RSU1: variants seen among roughly 807,000 people sequenced by gnomAD.
RSU1 encodes rsu-1.
A neutral mutation model predicts 31.1 loss-of-function variants in RSU1; 26 were observed. The observed-to-expected ratio is 0.84, with a 90% CI of 0.61 to 1.16. RSU1 has a LOEUF of 1.16. Ranked by LOEUF, RSU1 falls within the 50% of genes most tolerant of loss-of-function variation. RSU1 has a pLI of 0.00. For synonymous variants in RSU1, 164 were observed against 136.3 expected (o/e 1.20, Z -1.41); for missense variants, 320 against 339.1 (o/e 0.94, Z 0.44).
intron 8 of RSU1, among the ~76,000 whole-genome samples, chr10:16,670,493 A>G (rs1301562709): frequency 6.6e-6 from 1 of 152,186 alleles, no homozygotes; most frequent in Non-Finnish European, 1.5e-5. Context: ...GGGCTGCACC[A>G]TAATGAGGGG....
chr10:16,596,493 G>GTAAT (rs1163949723), intron 8 of RSU1, among the ~76,000 whole-genome samples: 1 of 152,150 alleles, frequency 6.6e-6, no homozygotes, highest in Non-Finnish European at 1.5e-5. Flanking sequence ...GCACTGCAGA[G>GTAAT]TAATAAACCC....
intron 8 of RSU1, among the ~76,000 whole-genome samples, chr10:16,640,986 A>G (rs547344272): frequency 6.6e-6 from 1 of 152,338 alleles, no homozygotes; most frequent in East Asian, 1.9e-4. Flanking sequence ...GGCTTGTAGT[A>G]TCATTGTTCC....
chr10:16,639,841 C>T (rs772208916), intron 8 of RSU1, among the ~76,000 whole-genome samples: 1 of 152,202 alleles, frequency 6.6e-6, no homozygotes, highest in Non-Finnish European at 1.5e-5. Context: ...GCAATTCAAG[C>T]GGACATTTGG....
intron 7 of RSU1, among the ~76,000 whole-genome samples, chr10:16,738,395 G>A (rs1836681274): frequency 6.6e-6 from 1 of 152,152 alleles, no homozygotes; most frequent in East Asian, 1.9e-4. Flanking sequence ...AGCATGCAGT[G>A]AGCCGAGATA....
intron 2 of RSU1, among the ~76,000 whole-genome samples, chr10:16,794,080 C>T (rs1412011123): frequency 6.6e-5 from 10 of 152,058 alleles, no homozygotes; most frequent in African/African-American, 2.4e-4. Context: ...TTCCTGGTTC[C>T]TGGGCCTTCA....
intron 7 of RSU1, among the ~76,000 whole-genome samples, chr10:16,747,448 C>G (rs1319496789): frequency 6.6e-6 from 1 of 152,178 alleles, no homozygotes; most frequent in Non-Finnish European, 1.5e-5. Context: ...CTAATCTACT[C>G]TTCCTAAAAT....
At chr10:16,694,962 G>T in intron 8 of RSU1, 61 bp downstream of exon 8, 1 of 1,435,532 alleles carries the variant, frequency 7.0e-7, no homozygotes, top group Non-Finnish European at 9.6e-7. Flanking sequence ...ATTTTTAAAG[G>T]CGTAATTATA....
chr10:16,643,364 T>C (rs1198476644), intron 8 of RSU1, among the ~76,000 whole-genome samples: 1 of 152,224 alleles, frequency 6.6e-6, no homozygotes, highest in African/African-American at 2.4e-5. Flanking sequence ...ACATAAATAA[T>C]GCTCATACAT....
intron 8 of RSU1, among the ~76,000 whole-genome samples, chr10:16,629,979 CTTTGAGA>C (rs1245553284): frequency 2.0e-5 from 3 of 152,110 alleles, no homozygotes; most frequent in Non-Finnish European, 4.4e-5. Flanking sequence ...ACTTAACTCT[CTTTGAGA>C]AAAAAATGAC....
In RSU1 at chr10:16,764,496, T is replaced by C. The variant is rs1837274583; in HGVS notation, c.175A>G (p.Ile59Val). The C allele has an allele frequency of 3.1e-6, 5 of 1,613,144 alleles. No individual in the cohort carries two copies. The highest frequency in any genetic ancestry group is 4.2e-6 in the Non-Finnish European group (5 of 1,179,474). Reference protein sequence around the residue: ...HNKLTMVPPNIAELKNLEVLN... With the variant: ...HNKLTMVPPNVAELKNLEVLN... ...ACCTCCAAATTCTTCAGTTCTGCGA[T>C]GTTCGGTGGCACCACTATGGAAACA... The change falls in exon 4 of 9, where the codon ATC becomes GTC. Residue 59 changes from isoleucine to valine, a missense_variant. Physicochemically the swap from Ile to Val is conservative, Grantham distance 29 (BLOSUM62 3). Coordinates refer to ENST00000345264, the MANE Select transcript of RSU1 (RefSeq NM_012425.4).
intron 5 of RSU1, among the ~76,000 whole-genome samples, chr10:16,753,893 G>C (rs577074189): frequency 2.6e-5 from 4 of 152,236 alleles, no homozygotes; most frequent in Non-Finnish European, 5.9e-5. Flanking sequence ...AAGTAGCTAA[G>C]ATCACAGGCT....
intron 3 of RSU1, among the ~76,000 whole-genome samples, chr10:16,775,282 C>T (rs1837504505): frequency 6.6e-6 from 1 of 152,150 alleles, no homozygotes; most frequent in African/African-American, 2.4e-5. Context: ...TCAGGATCAG[C>T]CCCGCACATG....
chr10:16,746,825 G>A (rs752622786), intron 7 of RSU1, among the ~76,000 whole-genome samples: 9 of 152,016 alleles, frequency 5.9e-5, no homozygotes, highest in Non-Finnish European at 1.0e-4. Context: ...CAAAAAAGGG[G>A]TGAAAGTTCA....
chr10:16,797,574 T>C (rs1168400025), intron 2 of RSU1, among the ~76,000 whole-genome samples: 2 of 152,118 alleles, frequency 1.3e-5, no homozygotes, highest in Admixed American at 1.3e-4. Flanking sequence ...TCATTGACCA[T>C]GAAAACTCAC....
At chr10:16,621,274 C>T (rs1254361587) in intron 8 of RSU1, among the ~76,000 whole-genome samples, 1 of 151,920 alleles carries the variant, frequency 6.6e-6, no homozygotes, top group African/African-American at 2.4e-5. Context: ...ACATCCTGGC[C>T]CAAAACATCA....
At chr10:16,661,283 A>AGTGT (rs986199179) in intron 8 of RSU1, among the ~76,000 whole-genome samples, 2 of 115,830 alleles carry the variant, frequency 1.7e-5, no homozygotes, top group East Asian at 2.5e-4. Flanking sequence ...ATATGTAGAG[A>AGTGT]GTGCGTGTGT....
chr10:16,763,202 T>A (rs1411711228), intron 4 of RSU1, among the ~76,000 whole-genome samples: 1 of 152,024 alleles, frequency 6.6e-6, no homozygotes, highest in African/African-American at 2.4e-5. Flanking sequence ...GCAGTTCCGG[T>A]TGGGGTCTAT....
chr10:16,740,675 A>G (rs1027137346), intron 7 of RSU1, among the ~76,000 whole-genome samples: 6 of 152,224 alleles, frequency 3.9e-5, no homozygotes, highest in African/African-American at 1.4e-4. Context: ...ACTAGCAACC[A>G]ACAACCCAAA....
chr10:16,664,952 C>T (rs4630192), intron 8 of RSU1, among the ~76,000 whole-genome samples: 13,751 of 151,118 alleles, frequency 0.091, 1,725 homozygotes, highest in African/African-American at 0.29. Flanking sequence ...TTTCTTTCTT[C>T]TTTTTTTCTG....
Sources: gnomAD v4.1 joint callset for allele counts (sites outside exome capture counted in the v4.1 genomes callset) on GRCh38, gnomAD v4.1.1 for gene constraint, MANE v1.5 for transcripts, NCBI Gene and HGNC (gene_info 2026-07-23, HGNC 2026-07-21) for gene names.